The following FXR2 variants were observed in gnomAD, a reference collection of about 807,000 sequenced individuals.
FXR2 encodes FMR1 autosomal homolog 2.
A neutral mutation model predicts 87.3 loss-of-function variants in FXR2; 9 were observed. That is an observed-to-expected ratio of 0.10 (90% confidence interval 0.06 to 0.18). FXR2 has a LOEUF of 0.18. Among genes scored for constraint, FXR2 ranks in the 10% least tolerant of loss-of-function variants. The pLI, the probability that FXR2 is intolerant of heterozygous loss-of-function variation, is 1.00. For missense variants in FXR2, 661 were observed against 893.6 expected, an observed-to-expected ratio of 0.74 and a Z score of 3.32; for synonymous variants, 331 against 328.3, an observed-to-expected ratio of 1.01 and a Z score of -0.09.
intron 1 of FXR2, among the ~76,000 whole-genome samples, chr17:7,609,483 C>T (rs1007109181): frequency 6.6e-6 from 1 of 152,134 alleles, no homozygotes; most frequent in Admixed American, 6.5e-5. Flanking sequence ...ACTTCCTGGC[C>T]TCTTTTTTAC....
Position 7,592,288 on chromosome 17 carries a change from G to C in FXR2, c.1892C>G (p.Thr631Ser), listed in dbSNP as rs1197161557. The change falls in exon 16 of 17, where the codon ACT (threonine) becomes AGT (serine). Residue 631 changes from threonine (T) to serine (S), a missense_variant. By Grantham distance (58) the Thr-to-Ser change is moderately conservative (BLOSUM62 1). This residue lies in a region of FXR2 where 409 missense variants were observed against 432.0 expected (regional missense o/e 0.95). Transcript: ENST00000250113. This position sits in a 1 kb window ranked among gnomAD's most constrained non-coding sequence, Gnocchi z 4.8. ...TGAAAGAGAGTCTTCTGAGGGTTTAGTGCGTTCCAGGGGTGGCCTCTGGCG... is the reference window on the plus strand; with the variant it reads ...TGAAAGAGAGTCTTCTGAGGGTTTACTGCGTTCCAGGGGTGGCCTCTGGCG... Reference protein sequence around the residue: ...QSRQRPPLERTKPSEDSLSGQ... With the variant: ...QSRQRPPLERSKPSEDSLSGQ... 3 of 1,613,100 alleles carry C rather than the reference G, an allele frequency of 1.9e-6. No homozygotes were observed. The highest frequency in any genetic ancestry group is 2.5e-6 in the Non-Finnish European group (3 of 1,179,060).
chr17:7,599,098 T>C (rs113847504), intron 7 of FXR2, among the ~76,000 whole-genome samples: 1 of 149,974 alleles, frequency 6.7e-6, no homozygotes, highest in Non-Finnish European at 1.5e-5. Flanking sequence ...GATTGTGCCA[T>C]TGCACTCCAG....
At position 7,592,969 on chromosome 17, in the gene FXR2, C is replaced by T; in HGVS notation, c.1528+15G>A. ...TTCCTTTTGGCCCATATTCATGAAC[C>T]CAGCTGTCTGGTACCTGAGCTAATA... On this transcript the variant is annotated intron_variant, in intron 13 of 16. Transcript: ENST00000250113. This position sits in a 1 kb window ranked among gnomAD's most constrained non-coding sequence, Gnocchi z 4.8. The T allele has an allele frequency of 6.4e-7, 1 of 1,555,098 alleles. No homozygotes were observed. Among genetic ancestry groups the T allele is most frequent in the Non-Finnish European group, 8.7e-7 (1 of 1,152,578 alleles).
At chr17:7,605,605 G>C (rs750716046) in intron 3 of FXR2, 40 bp downstream of exon 3, 12 of 1,039,296 alleles carry the variant, frequency 1.2e-5, no homozygotes, top group Admixed American at 1.9e-5. Context: ...GAATCCTGGG[G>C]AAAAGTGACA....
chr17:7,599,280 A>G (rs1180903906), intron 7 of FXR2, among the ~76,000 whole-genome samples: 1 of 152,140 alleles, frequency 6.6e-6, no homozygotes, highest in Non-Finnish European at 1.5e-5. Flanking sequence ...TCCAGCCTGG[A>G]TAACAGACTG....
intron 1 of FXR2, among the ~76,000 whole-genome samples, chr17:7,610,993 A>G (rs1329281459): frequency 1.3e-5 from 2 of 152,246 alleles, no homozygotes; most frequent in Non-Finnish European, 2.9e-5. Flanking sequence ...CTAGGAGAAG[A>G]GCAGGAACAG....
chr17:7,613,917 C>T (rs1241399331), intron 1 of FXR2: 1 of 405,384 alleles, frequency 2.5e-6, no homozygotes, highest in East Asian at 7.1e-5. Context: ...ATGGATCTGA[C>T]CATTTCTCCT....
chr17:7,609,912 G>GTATATATACATGTATATGTA (rs1394824657), intron 1 of FXR2, among the ~76,000 whole-genome samples: 11 of 112,524 alleles, frequency 9.8e-5, no homozygotes, highest in East Asian at 3.5e-4. Context: ...ACATATATAT[G>GTATATATACATGTATATGTA]TATATATACA....
At chr17:7,602,172 C>T (rs2071762547) in intron 6 of FXR2, among the ~76,000 whole-genome samples, 1 of 152,142 alleles carries the variant, frequency 6.6e-6, no homozygotes, top group Non-Finnish European at 1.5e-5. Context: ...GCCTGTGATC[C>T]CAGCACTTTG....
In FXR2 at chr17:7,591,636, G is replaced by A; in HGVS notation, c.*194C>T. On this transcript the variant is annotated 3_prime_UTR_variant, in exon 17 of 17. Transcript: ENST00000250113. The surrounding 1 kb of genome is among the most constrained non-coding windows in gnomAD (Gnocchi z 4.0). ...CTCCCCTTACCCTGGGGGTAGGGTG[G>A]ACAAGAGGGAGGGGGTATGACCCTG... 1.7e-6 allele frequency: 1 copy of A among 602,354 alleles called. No homozygotes were observed. Among genetic ancestry groups the A allele is most frequent in the South Asian group, 1.9e-5 (1 of 52,850 alleles). 37.3% of individuals were successfully genotyped at this position (602,354 alleles called of 1,614,324 possible).
At position 7,594,466 on chromosome 17, in the gene FXR2, T is replaced by C. The variant is rs2071691735; in HGVS notation, c.911-119A>G. 1 of 698,346 alleles carries C rather than the reference T, an allele frequency of 1.4e-6. No individual in the cohort carries two copies. The highest frequency in any genetic ancestry group is 2.5e-6 in the Non-Finnish European group (1 of 402,782). The allele number at this position is 698,346 out of a possible 1,614,324, so 43.3% of individuals were successfully genotyped here. On this transcript the variant is annotated intron_variant, in intron 9 of 16. Coordinates refer to ENST00000250113, the MANE Select transcript of FXR2 (RefSeq NM_004860.4). This position sits in a 1 kb window ranked among gnomAD's most constrained non-coding sequence, Gnocchi z 5.1. ...ATGGATTCCATTTACTTCATTCTCC[T>C]GCTTCTAGGTTTCTGATGTGTTTTT... is the stretch of plus-strand genomic sequence containing the variant.
At chr17:7,603,442 G>GCCTGAA (rs2071775734) in intron 5 of FXR2, among the ~76,000 whole-genome samples, 1 of 150,762 alleles carries the variant, frequency 6.6e-6, no homozygotes, top group African/African-American at 2.4e-5. Context: ...CAGGAGAATC[G>GCCTGAA]CCTGAACCTA....
rs769542221 is a variant in FXR2 at position 7,593,876 on chromosome 17, TC to T, written c.1107+41del. 13 of 1,261,402 alleles carry T rather than the reference TC, an allele frequency of 1.0e-5. No homozygotes were observed. Among genetic ancestry groups the T allele is most frequent in the African/African-American group, 1.0e-4 (7 of 68,272 alleles). The allele number at this position is 1,261,402 out of a possible 1,614,324, so 78.1% of individuals were successfully genotyped here. ...AGCTGACCCCCACAGCAGTCTTAGT[TC>T]CCTTTTCACACCCAGCATTTTTCTC... On this transcript the variant is annotated intron_variant, in intron 11 of 16. Coordinates refer to ENST00000250113, the MANE Select transcript of FXR2 (RefSeq NM_004860.4). This position sits in a 1 kb window ranked among gnomAD's most constrained non-coding sequence, Gnocchi z 6.1.
chr17:7,603,975 C>T (rs1307888072), intron 4 of FXR2, 34 bp downstream of exon 4: 1 of 1,604,246 alleles, frequency 6.2e-7, no homozygotes, highest in Non-Finnish European at 8.5e-7. Flanking sequence ...ATATTTGTTT[C>T]AGTAGTTCTC....
At chr17:7,603,226 TAAGAA>T (rs2071773871) in intron 5 of FXR2, among the ~76,000 whole-genome samples, 1 of 140,450 alleles carries the variant, frequency 7.1e-6, no homozygotes, top group African/African-American at 2.6e-5. Context: ...GCTGAGTAAA[TAAGAA>T]AAGAAAAGGG....
rs144514975 is a variant in FXR2 at position 7,601,672 on chromosome 17, C to T, written c.544-147G>A. The T allele has an allele frequency of 1.9e-3, 1,083 of 578,082 alleles. 9 individuals carry two copies. Among genetic ancestry groups the T allele is most frequent in the African/African-American group, 0.018 (965 of 53,294 alleles). The allele number at this position is 578,082 out of a possible 1,614,324, so 35.8% of individuals were successfully genotyped here. On this transcript the variant is annotated intron_variant, in intron 6 of 16. Transcript: ENST00000250113. ...GACCGGGCGCGGTGGCTCATGCCTG[C>T]AATCCCAGGACTTTGGGAGGCCAAG...
chr17:7,602,695 C>T, intron 6 of FXR2: 1 of 445,564 alleles, frequency 2.2e-6, no homozygotes, highest in Non-Finnish European at 4.0e-6. Flanking sequence ...TGCCATTGTT[C>T]TCCAGCCTGG....
In FXR2 at chr17:7,600,448, G is replaced by A. The variant is rs533104013; in HGVS notation, c.660+961C>T. The stretch of plus-strand genomic sequence containing the variant: ...GATCTGCCTGCCTCGGCCTCCCAAA[G>A]TGCTAAAGTGCTGCGATTAAAGGCG... On this transcript the variant is annotated intron_variant, in intron 7 of 16. Transcript: ENST00000250113. 8.6e-5 allele frequency among the ~76,000 whole-genome samples: 13 copies of A among 150,426 alleles called. No homozygotes were observed. In the East Asian group the frequency reaches 2.6e-3, roughly 30 times the overall value.
At chr17:7,600,585 C>A (rs2071746829) in intron 7 of FXR2, among the ~76,000 whole-genome samples, 1 of 152,136 alleles carries the variant, frequency 6.6e-6, no homozygotes, top group Admixed American at 6.5e-5. Context: ...ATCTCTTGAG[C>A]CTAGAAGTTC....
Sources: gnomAD v4.1 joint callset for allele counts (sites outside exome capture counted in the v4.1 genomes callset) on GRCh38, gnomAD v4.1.1 for gene constraint, gnomAD v4.1.1 regional missense constraint, Gnocchi (gnomAD v3.1) non-coding constraint, MANE v1.5 for transcripts, NCBI Gene and HGNC (gene_info 2026-07-23, HGNC 2026-07-21) for gene names.